SMARCC1: variants seen among roughly 807,000 people sequenced by gnomAD.
The protein encoded by SMARCC1 is SWI/SNF complex subunit SMARCC1.
In SMARCC1, 43 loss-of-function variants were observed where a neutral mutation model predicts 147.4. The observed-to-expected ratio is 0.29, with a 90% CI of 0.23 to 0.38. The LOEUF (loss-of-function observed/expected upper bound fraction) is 0.38, where lower values mean the gene tolerates loss of function less well. SMARCC1 is among the 10% of genes least tolerant of loss of function. The pLI is 1.00. For missense variants in SMARCC1, 1,119 were observed against 1,381.1 expected, an observed-to-expected ratio of 0.81 and a Z score of 3.01; for synonymous variants, 495 against 484.4, an observed-to-expected ratio of 1.02 and a Z score of -0.29.
chr3:47,612,171 G>A (rs1024130232), intron 25 of SMARCC1, among the ~76,000 whole-genome samples: 1 of 152,192 alleles, frequency 6.6e-6, no homozygotes, highest in Non-Finnish European at 1.5e-5. Flanking sequence ...GTCCAGTTCT[G>A]CAGGAAGACT....
chr3:47,733,593 T>C (rs906457992), intron 5 of SMARCC1, among the ~76,000 whole-genome samples: 1 of 148,522 alleles, frequency 6.7e-6, no homozygotes, highest in East Asian at 2.0e-4. Flanking sequence ...AATAAAAAAT[T>C]AGCAGCGCAA....
chr3:47,744,124 T>C (rs945539996), intron 3 of SMARCC1, among the ~76,000 whole-genome samples: 1 of 152,124 alleles, frequency 6.6e-6, no homozygotes, highest in African/African-American at 2.4e-5. Context: ...CTACCTCTGA[T>C]AACAAAAAGA....
chr3:47,734,247 AAGAG>A (rs2034413317), intron 5 of SMARCC1, among the ~76,000 whole-genome samples: 1 of 152,162 alleles, frequency 6.6e-6, no homozygotes, highest in African/African-American at 2.4e-5. Flanking sequence ...GATATTCCAA[AAGAG>A]AGATGTTTAA....
intron 21 of SMARCC1, among the ~76,000 whole-genome samples, chr3:47,649,818 T>C (rs939188455): frequency 6.6e-6 from 1 of 152,174 alleles, no homozygotes; most frequent in Admixed American, 6.5e-5. Flanking sequence ...AGCCCTTGAA[T>C]GTACAAGTAC....
In SMARCC1 at chr3:47,740,196, TTTTTTTTTTTTTTTTA is replaced by T. The variant is rs1198332517; in HGVS notation, c.402-2102_402-2087del. The stretch of plus-strand genomic sequence containing the variant: ...CGGCCATCTTTTTTTTTTTTTTTTT[TTTTTTTTTTTTTTTTA>T]AAAGACAGACTCTCGCCCTGTCGTC... On this transcript the variant is annotated intron_variant, in intron 3 of 27. Transcript: ENST00000254480. Among the ~76,000 whole-genome samples the T allele has an allele frequency of 1.0e-3, 142 of 135,770 alleles. 2 individuals carry two copies. Among genetic ancestry groups the T allele is most frequent in the African/African-American group, 3.3e-3 (125 of 37,368 alleles). The allele number at this position is 135,770 out of a possible 152,430, so 89.1% of individuals were successfully genotyped here.
chr3:47,599,405 CAGGAAACTACGT>C (rs1559622513), intron 26 of SMARCC1, among the ~76,000 whole-genome samples: 3 of 152,178 alleles, frequency 2.0e-5, no homozygotes, highest in African/African-American at 7.2e-5. Flanking sequence ...ATAGCAGCCT[CAGGAAACTACGT>C]AGGAAACATG....
intron 24 of SMARCC1, among the ~76,000 whole-genome samples, chr3:47,623,715 T>C (rs534188586): frequency 6.6e-6 from 1 of 152,298 alleles, no homozygotes; most frequent in Non-Finnish European, 1.5e-5. Context: ...CGATATAAAC[T>C]GAAAAGTTAC....
At chr3:47,687,902 C>T (rs2033745207) in intron 13 of SMARCC1, among the ~76,000 whole-genome samples, 2 of 152,308 alleles carry the variant, frequency 1.3e-5, no homozygotes, top group South Asian at 4.1e-4. Flanking sequence ...ATGCTGACGT[C>T]ATAGGTGCCA....
chr3:47,634,713 A>G (rs972154829), intron 24 of SMARCC1, among the ~76,000 whole-genome samples: 1 of 152,224 alleles, frequency 6.6e-6, no homozygotes, highest in Non-Finnish European at 1.5e-5. Context: ...CCACCCCCAG[A>G]AAAGCTGGCA....
intron 8 of SMARCC1, among the ~76,000 whole-genome samples, chr3:47,712,686 G>C (rs2034102764): frequency 6.6e-6 from 1 of 152,274 alleles, no homozygotes; most frequent in Non-Finnish European, 1.5e-5. Context: ...CTCCTAATTA[G>C]AGGCAAAGCT....
chr3:47,656,889 T>C (rs192596495), intron 21 of SMARCC1, among the ~76,000 whole-genome samples: 1 of 152,042 alleles, frequency 6.6e-6, no homozygotes, highest in Admixed American at 6.6e-5. Context: ...CACTAAACTC[T>C]AGCCTGGGCA....
intron 26 of SMARCC1, among the ~76,000 whole-genome samples, chr3:47,596,177 G>GT (rs2032277382): frequency 6.6e-6 from 1 of 152,154 alleles, no homozygotes; most frequent in Non-Finnish European, 1.5e-5. Context: ...GACTTCAAAA[G>GT]TAAGGCTACA....
At chr3:47,671,411 T>C (rs2033500672) in intron 18 of SMARCC1, among the ~76,000 whole-genome samples, 1 of 152,156 alleles carries the variant, frequency 6.6e-6, no homozygotes. Context: ...TCTTCCACGA[T>C]TCAAGGATCA....
intron 7 of SMARCC1, among the ~76,000 whole-genome samples, chr3:47,716,373 G>T (rs531023651): frequency 7.8e-6 from 1 of 127,988 alleles, no homozygotes; most frequent in Non-Finnish European, 1.5e-5. Flanking sequence ...AGCTTAGATC[G>T]CACCACTGCA....
chr3:47,596,977 C>T (rs912737955), intron 26 of SMARCC1, among the ~76,000 whole-genome samples: 8 of 151,472 alleles, frequency 5.3e-5, no homozygotes, highest in Admixed American at 1.3e-4. Flanking sequence ...AGGCAGATGA[C>T]GAGGTCAGGC....
intron 1 of SMARCC1, among the ~76,000 whole-genome samples, chr3:47,780,965 G>A (rs1037598192): frequency 6.6e-6 from 1 of 152,150 alleles, no homozygotes; most frequent in African/African-American, 2.4e-5. Context: ...ACACTACGAA[G>A]AAAATAAAGG....
intron 6 of SMARCC1, 91 bp downstream of exon 6, chr3:47,728,934 G>T: frequency 1.3e-6 from 1 of 756,980 alleles, no homozygotes; most frequent in Non-Finnish European, 2.1e-6. Context: ...ATAAAAAGCT[G>T]GTTATTCTGT....
chr3:47,659,997 A>G (rs1161465175), intron 21 of SMARCC1, among the ~76,000 whole-genome samples: 1 of 152,214 alleles, frequency 6.6e-6, no homozygotes, highest in East Asian at 1.9e-4. Context: ...TATGAAAAAC[A>G]GGCTGGCAGT....
chr3:47,781,548 C>T (rs1200500755), intron 1 of SMARCC1, 55 bp downstream of exon 1: 5 of 1,327,376 alleles, frequency 3.8e-6, no homozygotes, highest in Non-Finnish European at 5.0e-6. Flanking sequence ...AGGCCAGCTG[C>T]CGCCTCCGGC....
Sources: gnomAD v4.1 joint callset for allele counts (sites outside exome capture counted in the v4.1 genomes callset) on GRCh38, gnomAD v4.1.1 for gene constraint, MANE v1.5 for transcripts, NCBI Gene and HGNC (gene_info 2026-07-23, HGNC 2026-07-21) for gene names.